STK31: variants seen among roughly 807,000 people sequenced by gnomAD.
STK31 encodes serine/threonine-protein kinase 31.
Under a neutral mutation model 129.7 loss-of-function variants are expected in STK31, and 89 were observed. The ratio of observed to expected loss-of-function variants is 0.69; its 90% confidence interval spans 0.58 to 0.82. The LOEUF is 0.82. STK31 is among the 40% of genes least tolerant of loss of function. The pLI is 0.00. For missense variants in STK31, 1,187 were observed against 1,176.4 expected, an observed-to-expected ratio of 1.01 and a Z score of -0.13; for synonymous variants, 448 against 395.3, an observed-to-expected ratio of 1.13 and a Z score of -1.58.
chr7:23,765,684 G>A (rs1463850099), intron 11 of STK31, among the ~76,000 whole-genome samples: 2 of 151,532 alleles, frequency 1.3e-5, no homozygotes, highest in Admixed American at 6.6e-5. Context: ...AGCCTCATGA[G>A]TGGCTAGGAT....
rs563527864 is a variant in STK31 at position 23,770,638 on chromosome 7, A to G, written c.1714-367A>G. Among the ~76,000 whole-genome samples the G allele has an allele frequency of 2.5e-3, 381 of 152,184 alleles. 2 individuals are homozygous for G. The highest frequency in any genetic ancestry group is 8.9e-3 in the African/African-American group (368 of 41,550). On this transcript the variant is annotated intron_variant, in intron 13 of 23. Transcript: ENST00000355870. ...ATGGCTTTGCTTTTTTTAGAGAGACAGTGTCTTGCTCTGTCGCCCAGGCTG... is the reference window on the plus strand; with the variant it reads ...ATGGCTTTGCTTTTTTTAGAGAGACGGTGTCTTGCTCTGTCGCCCAGGCTG...
At chr7:23,711,998 AT>A (rs1785995602) in intron 1 of STK31, 100 bp from the exon 2 acceptor site, 2 of 1,005,382 alleles carry the variant, frequency 2.0e-6, no homozygotes, top group East Asian at 5.3e-5. Context: ...TGATAACTGC[AT>A]TTAGGACAAA....
At chr7:23,714,690 A>G (rs1183291859) in intron 3 of STK31, among the ~76,000 whole-genome samples, 5 of 152,158 alleles carry the variant, frequency 3.3e-5, no homozygotes, top group African/African-American at 1.2e-4. Context: ...GGTATTGGCT[A>G]TTGTATTCAC....
At chr7:23,756,340 T>C (rs1184142125) in intron 10 of STK31, among the ~76,000 whole-genome samples, 1 of 152,180 alleles carries the variant, frequency 6.6e-6, no homozygotes, top group Non-Finnish European at 1.5e-5. Context: ...TTTTGCACAT[T>C]TATTTTGTAT....
intron 4 of STK31, chr7:23,721,503 C>G: frequency 9.8e-7 from 1 of 1,020,736 alleles, no homozygotes; most frequent in Non-Finnish European, 1.5e-6. Flanking sequence ...AGCTGATTAC[C>G]CACAAATATG....
intron 22 of STK31, among the ~76,000 whole-genome samples, chr7:23,793,766 C>G (rs1361486423): frequency 1.3e-5 from 2 of 152,146 alleles, no homozygotes; most frequent in African/African-American, 4.8e-5. Flanking sequence ...ACCTAGAACT[C>G]ATATATATTG....
chr7:23,807,604 C>T (rs1424432082), intron 22 of STK31, among the ~76,000 whole-genome samples: 2 of 152,032 alleles, frequency 1.3e-5, no homozygotes, highest in African/African-American at 4.8e-5. Flanking sequence ...GTGGGAAGTT[C>T]AGCAATTATT....
chr7:23,786,368 A>G, intron 18 of STK31, 140 bp from the exon 19 acceptor site: 7 of 916,430 alleles, frequency 7.6e-6, no homozygotes, highest in Non-Finnish European at 8.6e-6. Flanking sequence ...CAAAGAAGAT[A>G]GAAAAGTACT....
At chr7:23,748,702 C>G (rs897618312) in intron 8 of STK31, among the ~76,000 whole-genome samples, 1 of 152,160 alleles carries the variant, frequency 6.6e-6, no homozygotes, top group African/African-American at 2.4e-5. Context: ...TTATGCTTTT[C>G]CTAATAACAT....
At position 23,746,017 on chromosome 7, in the gene STK31, C is replaced by T. The variant is rs563349966; in HGVS notation, c.1018-6700C>T. Among the ~76,000 whole-genome samples the T allele has an allele frequency of 2.0e-5, 3 of 152,330 alleles. No individual in the cohort carries two copies. In the East Asian group the frequency reaches 5.8e-4, roughly 29 times the overall value. On this transcript the variant is annotated intron_variant, in intron 8 of 23. Transcript: ENST00000355870. ...GCTCCTACCTCTTCGCGGGTACTTG[C>T]AGCCAGCTGCAGTGGTGGCTGTGGG... is the stretch of plus-strand genomic sequence containing the variant.
At chr7:23,745,453 G>C (rs759195106) in intron 8 of STK31, among the ~76,000 whole-genome samples, 2 of 152,234 alleles carry the variant, frequency 1.3e-5, no homozygotes, top group Non-Finnish European at 2.9e-5. Context: ...CAGCAGATGT[G>C]TGGAGGTGGC....
At chr7:23,785,786 T>C (rs116190234) in intron 18 of STK31, among the ~76,000 whole-genome samples, 183 bp downstream of exon 18, 2,047 of 151,504 alleles carry the variant, frequency 0.014, 34 homozygotes, top group African/African-American at 0.039. Context: ...TTTCCCTCAA[T>C]TGAACAATGA....
intron 15 of STK31, 142 bp from the exon 16 acceptor site, chr7:23,781,277 A>G (rs1201815442): frequency 4.1e-6 from 2 of 492,868 alleles, no homozygotes; most frequent in African/African-American, 2.0e-5. Flanking sequence ...TAATTCAGCA[A>G]GTATTAGAAG....
chr7:23,822,243 A>G (rs1345055672), intron 23 of STK31, among the ~76,000 whole-genome samples: 2 of 152,152 alleles, frequency 1.3e-5, no homozygotes, highest in African/African-American at 4.8e-5. Flanking sequence ...GCATTTTAAC[A>G]ATACTAATCT....
At chr7:23,793,153 AAGG>A (rs1336904388) in intron 22 of STK31, among the ~76,000 whole-genome samples, 1 of 152,228 alleles carries the variant, frequency 6.6e-6, no homozygotes, top group East Asian at 1.9e-4. Context: ...CTCTGGGTAA[AAGG>A]AGAATCTTCA....
intron 15 of STK31, among the ~76,000 whole-genome samples, chr7:23,772,797 T>C (rs1322496179): frequency 1.3e-5 from 2 of 152,182 alleles, no homozygotes; most frequent in East Asian, 1.9e-4. Flanking sequence ...CTTCTTCCTT[T>C]AGGCTTGAAA....
chr7:23,786,597 A>G lies in STK31; in HGVS notation c.2364A>G (p.Ser788=), dbSNP rs143536997. 202 of 1,613,752 alleles carry G rather than the reference A, an allele frequency of 1.3e-4. No individual in the cohort carries two copies. In the African/African-American group the frequency reaches 2.4e-3, roughly 19 times the overall value. The change falls in exon 19 of 24, where the codon TCA becomes TCG. Residue 788 remains serine (S), a synonymous_variant. Coordinates refer to ENST00000355870, the MANE Select transcript of STK31 (RefSeq NM_031414.5). ...HRAWREAEGD[S]GLLPLIFLFL... is the part of the protein sequence containing the mutation. Reference sequence around the variant, plus strand: ...CTTGGAGAGAAGCTGAAGGAGACTCAGGGTTACTGCCATTGATATTCCTGT... The same window carrying G: ...CTTGGAGAGAAGCTGAAGGAGACTCGGGGTTACTGCCATTGATATTCCTGT...
At chr7:23,744,149 A>G (rs1032964204) in intron 8 of STK31, among the ~76,000 whole-genome samples, 2 of 151,492 alleles carry the variant, frequency 1.3e-5, no homozygotes, top group Non-Finnish European at 2.9e-5. Flanking sequence ...TCAACCCCTG[A>G]GCTCAAGTGA....
chr7:23,713,455 C>T (rs1315587297), intron 3 of STK31, among the ~76,000 whole-genome samples: 2 of 152,052 alleles, frequency 1.3e-5, no homozygotes, highest in Admixed American at 6.5e-5. Context: ...TACACTTAGG[C>T]TACACTAAAT....
Sources: gnomAD v4.1 joint callset for allele counts (sites outside exome capture counted in the v4.1 genomes callset) on GRCh38, gnomAD v4.1.1 for gene constraint, MANE v1.5 for transcripts, NCBI Gene and HGNC (gene_info 2026-07-23, HGNC 2026-07-21) for gene names.